ATG5: variants seen among roughly 807,000 people sequenced by gnomAD.
ATG5 encodes autophagy protein 5.
In ATG5, 14 loss-of-function variants were observed where a neutral mutation model predicts 36.5. The observed-to-expected ratio is 0.38, with a 90% CI of 0.25 to 0.60. The LOEUF (loss-of-function observed/expected upper bound fraction) is 0.60. Among genes scored for constraint, ATG5 ranks in the 20% least tolerant of loss-of-function variants. ATG5 has a pLI of 0.60. For synonymous variants in ATG5, 95 were observed against 101.5 expected, an observed-to-expected ratio of 0.94 and a Z score of 0.38; for missense variants, 195 against 326.7, an observed-to-expected ratio of 0.60 and a Z score of 3.11.
chr6:106,302,543 A>T (rs552047142), intron 3 of ATG5, among the ~76,000 whole-genome samples: 2 of 152,234 alleles, frequency 1.3e-5, no homozygotes, highest in Admixed American at 1.3e-4. Context: ...TCCATGTGAG[A>T]AATCAGATGG....
At chr6:106,213,019 T>C (rs756587007) in intron 6 of ATG5, among the ~76,000 whole-genome samples, 31 of 152,330 alleles carry the variant, frequency 2.0e-4, no homozygotes, top group Middle Eastern at 3.4e-3. Context: ...GTTTTACCTA[T>C]GTTTAACAAA....
chr6:106,310,062 T>C (rs1318584917), intron 2 of ATG5, among the ~76,000 whole-genome samples: 1 of 152,118 alleles, frequency 6.6e-6, no homozygotes, highest in Non-Finnish European at 1.5e-5. Flanking sequence ...AAAATATTTT[T>C]TACAATAAGG....
At chr6:106,277,954 T>C (rs1036396282) in intron 5 of ATG5, among the ~76,000 whole-genome samples, 3 of 151,944 alleles carry the variant, frequency 2.0e-5, no homozygotes, top group Non-Finnish European at 4.4e-5. Context: ...TATTAATTAT[T>C]TTTTTTTAGA....
intron 6 of ATG5, among the ~76,000 whole-genome samples, chr6:106,234,473 A>AC (rs1204081972): frequency 6.6e-6 from 1 of 152,080 alleles, no homozygotes; most frequent in East Asian, 1.9e-4. Context: ...CTCAAACCTC[A>AC]CCTGTGTAAA....
At chr6:106,322,704 A>G (rs186314154) in intron 1 of ATG5, among the ~76,000 whole-genome samples, 137 of 152,358 alleles carry the variant, frequency 9.0e-4, no homozygotes, top group Non-Finnish European at 1.4e-3. Context: ...GAAATGCCCC[A>G]GGACTCAGTC....
In ATG5 at chr6:106,228,950, TC is replaced by T. The variant is rs554961848; in HGVS notation, c.573+19199del. The stretch of plus-strand genomic sequence containing the variant: ...GCTGACTAGAGGCAGAAAGCTGTCG[TC>T]CCGAACTCCCGGCATTAGCCGGTTG... On this transcript the variant is annotated intron_variant, in intron 6 of 7. Coordinates refer to ENST00000369076, the MANE Select transcript of ATG5 (RefSeq NM_004849.4). Among the ~76,000 whole-genome samples, 5 of 152,294 alleles carry T rather than the reference TC, an allele frequency of 3.3e-5. No homozygotes were observed. In the East Asian group the frequency reaches 9.7e-4, roughly 29 times the overall value.
At chr6:106,196,966 T>C (rs115917756) in intron 7 of ATG5, among the ~76,000 whole-genome samples, 1,531 of 152,246 alleles carry the variant, frequency 0.01, 31 homozygotes, top group African/African-American at 0.035. Context: ...TTAACTTTAG[T>C]TTTTACAGAT....
At chr6:106,244,275 A>C (rs1176777580) in intron 6 of ATG5, among the ~76,000 whole-genome samples, 1 of 152,214 alleles carries the variant, frequency 6.6e-6, no homozygotes, top group Admixed American at 6.5e-5. Flanking sequence ...TGTAGAACAA[A>C]GTAGATGACT....
At chr6:106,200,187 T>C (rs150707065) in intron 7 of ATG5, among the ~76,000 whole-genome samples, 172 of 152,324 alleles carry the variant, frequency 1.1e-3, no homozygotes, top group African/African-American at 3.8e-3. Flanking sequence ...GGGCTCCATA[T>C]TCTTTGCTTA....
chr6:106,274,250 T>G (rs1283353140), intron 5 of ATG5, among the ~76,000 whole-genome samples: 2 of 152,182 alleles, frequency 1.3e-5, no homozygotes, highest in African/African-American at 4.8e-5. Flanking sequence ...CAACTGCTCA[T>G]AAATAAAAAT....
chr6:106,211,671 C>T (rs1237543650), intron 6 of ATG5, among the ~76,000 whole-genome samples: 2 of 152,210 alleles, frequency 1.3e-5, no homozygotes, highest in Non-Finnish European at 2.9e-5. Context: ...GATCATGTCA[C>T]TGCACTCCAG....
chr6:106,289,553 C>T lies in ATG5; in HGVS notation c.315+3475G>A, dbSNP rs2787541. On this transcript the variant is annotated intron_variant, in intron 4 of 7. Coordinates refer to ENST00000369076, the MANE Select transcript of ATG5 (RefSeq NM_004849.4). ...ACTGTAAGATTCTTTTTTCTATTTG[C>T]TAATAAACTTTTCTACTGGGAAGAA... 6.7e-3 allele frequency among the ~76,000 whole-genome samples: 1,023 copies of T among 152,108 alleles called. 19 individuals carry two copies. The highest frequency in any genetic ancestry group is 0.023 in the African/African-American group (948 of 41,510).
intron 6 of ATG5, among the ~76,000 whole-genome samples, chr6:106,221,649 G>A (rs1777253532): frequency 7.0e-6 from 1 of 143,142 alleles, no homozygotes; most frequent in Non-Finnish European, 1.5e-5. Context: ...TCGTGCCACT[G>A]CACTCCACCC....
chr6:106,203,232 T>G (rs146510385), intron 6 of ATG5, among the ~76,000 whole-genome samples: 49 of 152,308 alleles, frequency 3.2e-4, no homozygotes, highest in African/African-American at 1.1e-3. Flanking sequence ...ATCTCATTGT[T>G]TTACTCTTAA....
At chr6:106,246,392 TCACACACACACACACACA>T (rs72252671) in intron 6 of ATG5, among the ~76,000 whole-genome samples, 15 of 129,644 alleles carry the variant, frequency 1.2e-4, no homozygotes, top group African/African-American at 3.8e-4. Context: ...TCTCTCTCTC[TCACACACACACACACACA>T]CACACACACA....
At chr6:106,209,335 T>C (rs1776766152) in intron 6 of ATG5, among the ~76,000 whole-genome samples, 1 of 152,210 alleles carries the variant, frequency 6.6e-6, no homozygotes, top group African/African-American at 2.4e-5. Flanking sequence ...TCCCACGGAA[T>C]ACTACTCAGC....
At chr6:106,253,320 G>C (rs995549978) in intron 5 of ATG5, among the ~76,000 whole-genome samples, 2 of 152,190 alleles carry the variant, frequency 1.3e-5, no homozygotes, top group African/African-American at 2.4e-5. Context: ...CTCTGCGTCA[G>C]GGCTGAGCAG....
chr6:106,284,823 C>T (rs546043107), intron 4 of ATG5, among the ~76,000 whole-genome samples: 11 of 150,120 alleles, frequency 7.3e-5, no homozygotes, highest in African/African-American at 2.2e-4. Flanking sequence ...AATGTCTATT[C>T]GAATCCTTTG....
In ATG5 at chr6:106,250,521, G is replaced by A. The variant is rs955551337; in HGVS notation, c.479-2277C>T. ...CAATTGCTTCAACAGTTGCTGCCAC[G>A]AAACTTTATCTTAATGTGAAGAATA... On this transcript the variant is annotated intron_variant, in intron 5 of 7. Transcript: ENST00000369076. 1.3e-5 allele frequency among the ~76,000 whole-genome samples: 2 copies of A among 152,132 alleles called. 1 individual carries two copies. Among genetic ancestry groups the A allele is most frequent in the African/African-American group, 4.8e-5 (2 of 41,428 alleles).
Sources: gnomAD v4.1 joint callset for allele counts (sites outside exome capture counted in the v4.1 genomes callset) on GRCh38, gnomAD v4.1.1 for gene constraint, MANE v1.5 for transcripts, NCBI Gene and HGNC (gene_info 2026-07-23, HGNC 2026-07-21) for gene names.